Variants in CHRDL2 observed in about 807,000 individuals in gnomAD.
The protein encoded by CHRDL2 is chordin-like protein 2.
CHRDL2 carries 41 observed loss-of-function variants against 54.3 expected under a neutral mutation model. The ratio of observed to expected loss-of-function variants is 0.76; its 90% CI spans 0.59 to 0.98. The LOEUF (loss-of-function observed/expected upper bound fraction) is 0.98. Ranked by LOEUF, CHRDL2 falls within the 50% of genes least tolerant of loss-of-function variation. The probability of loss-of-function intolerance (pLI) is 0.00; values close to 1 mark genes in which losing one functional copy is unlikely to be tolerated. For synonymous variants in CHRDL2, 220 were observed against 224.3 expected (o/e 0.98, Z 0.17); for missense variants, 518 against 562.4 (o/e 0.92, Z 0.80).
At chr11:74,701,433 C>T (rs902302781) in intron 9 of CHRDL2, 77 of 541,744 alleles carry the variant, frequency 1.4e-4, no homozygotes, top group African/African-American at 9.8e-4. Flanking sequence ...TTCAGAGCCA[C>T]GAAGCCAGCA....
At chr11:74,703,106 C>T (rs775982346) in intron 8 of CHRDL2, 139 bp from the exon 9 acceptor site, 12 of 1,042,614 alleles carry the variant, frequency 1.2e-5, no homozygotes, top group Non-Finnish European at 8.3e-6. Flanking sequence ...AATCTATTAT[C>T]CTGACACCGC....
rs1002459032 is a variant in CHRDL2 at position 74,710,890 on chromosome 11, G to C, written c.391C>G (p.Pro131Ala). Reference protein sequence around the residue: ...GEIFSAHELFPSRLPNQCVLC... With the variant: ...GEIFSAHELFASRLPNQCVLC... ...ACACACTGGTTGGGCAGGCGGGAGG[G>C]GAACAGCTCATGGGCACTGAAGATC... Residue 131 changes from proline to alanine, a missense_variant, in exon 4 of 11, where the codon CCC becomes GCC. Transcript: ENST00000376332. 1 of 1,614,092 alleles carries C rather than the reference G, an allele frequency of 6.2e-7. No individual in the cohort carries two copies. Among genetic ancestry groups the C allele is most frequent in the South Asian group, 1.1e-5 (1 of 91,054 alleles).
chr11:74,731,394 G>C lies in CHRDL2; in HGVS notation c.-506C>G, dbSNP rs1197141330. Reference sequence around the variant, plus strand: ...GGCGGCGGCGCGGCGGCCGCGGAGGGAGGCTGAGCGCGGGCCGGCTGTGCT... The same window carrying C: ...GGCGGCGGCGCGGCGGCCGCGGAGGCAGGCTGAGCGCGGGCCGGCTGTGCT... On this transcript the variant is annotated 5_prime_UTR_variant, in exon 1 of 11. Transcript: ENST00000376332. The surrounding 1 kb of genome is among the most constrained non-coding windows in gnomAD (Gnocchi z 4.4). The C allele has an allele frequency of 1.3e-5, 2 of 150,432 alleles. No individual in the cohort carries two copies. Among genetic ancestry groups the C allele is most frequent in the Non-Finnish European group, 3.0e-5 (2 of 67,300 alleles). 9.3% of individuals were successfully genotyped at this position (150,432 alleles called of 1,614,324 possible). A position where few individuals can be genotyped will look rare whatever the true frequency, so the allele number is the denominator to read the frequency against.
At chr11:74,720,763 A>C (rs941159737) in intron 1 of CHRDL2, among the ~76,000 whole-genome samples, 1 of 152,200 alleles carries the variant, frequency 6.6e-6, no homozygotes, top group Non-Finnish European at 1.5e-5. Flanking sequence ...ATTCCCTCTC[A>C]GCACTGGGGG....
intron 5 of CHRDL2, 121 bp from the exon 6 acceptor site, chr11:74,706,663 C>T: frequency 1.2e-6 from 1 of 862,814 alleles, no homozygotes; most frequent in Admixed American, 2.1e-5. Context: ...TCTGCAGCCC[C>T]AGCCCACTAG....
intron 1 of CHRDL2, among the ~76,000 whole-genome samples, chr11:74,727,966 G>C (rs995315760): frequency 6.6e-6 from 1 of 152,136 alleles, no homozygotes; most frequent in African/African-American, 2.4e-5. Context: ...GCTGGGACCA[G>C]TACTGGTCAG....
chr11:74,722,788 A>C (rs1334542868), intron 1 of CHRDL2, among the ~76,000 whole-genome samples: 1 of 152,122 alleles, frequency 6.6e-6, no homozygotes, highest in African/African-American at 2.4e-5. Flanking sequence ...GTTTGCCTCA[A>C]CTCACCTCAG....
intron 10 of CHRDL2, 145 bp downstream of exon 10, chr11:74,697,060 C>T: frequency 3.2e-6 from 2 of 630,644 alleles, no homozygotes; most frequent in South Asian, 1.9e-5. Flanking sequence ...CGCAGACACC[C>T]GCTGGATTCC....
chr11:74,719,052 C>T (rs1490446878), intron 1 of CHRDL2: 5 of 542,032 alleles, frequency 9.2e-6, no homozygotes, highest in Non-Finnish European at 1.3e-5. Flanking sequence ...ACTGGGCATG[C>T]CACTGTCTCT....
intron 1 of CHRDL2, among the ~76,000 whole-genome samples, chr11:74,719,748 C>A (rs56306513): frequency 0.1 from 15,194 of 152,162 alleles, 814 homozygotes; most frequent in Non-Finnish European, 0.13. Flanking sequence ...TTACTAAAAT[C>A]GTTTGTTCCA....
chr11:74,723,889 A>C (rs1298519882), intron 1 of CHRDL2, among the ~76,000 whole-genome samples: 1 of 152,254 alleles, frequency 6.6e-6, no homozygotes, highest in Non-Finnish European at 1.5e-5. Context: ...AATCACAGGA[A>C]ACTGAGACCT....
At chr11:74,728,984 GCA>G (rs1198744104) in intron 1 of CHRDL2, among the ~76,000 whole-genome samples, 1 of 152,202 alleles carries the variant, frequency 6.6e-6, no homozygotes, top group African/African-American at 2.4e-5. Context: ...GGCCAGGGAG[GCA>G]CAGACGAGGG....
intron 2 of CHRDL2, among the ~76,000 whole-genome samples, chr11:74,713,740 T>C (rs2034268147): frequency 6.6e-6 from 1 of 152,208 alleles, no homozygotes; most frequent in South Asian, 2.1e-4. Flanking sequence ...CACTGTCCCC[T>C]TCCCAGAGAA....
In CHRDL2 at chr11:74,697,231, A is replaced by G; in HGVS notation, c.1187T>C (p.Phe396Ser). ...TTCGTGGGGGCCAGCGAGCAGTCGGAAGTGCTGTGCCTCTTTCTGGAAGTC... is the reference window on the plus strand; with the variant it reads ...TTCGTGGGGGCCAGCGAGCAGTCGGGAGTGCTGTGCCTCTTTCTGGAAGTC... ...KQDFQKEAQH[F>S]RLLAGPHEGH... is the part of the protein sequence containing the mutation. The change falls in exon 10 of 11, where the codon TTC becomes TCC. Residue 396 changes from phenylalanine (F) to serine (S), a missense_variant. Coordinates refer to ENST00000376332, the MANE Select transcript of CHRDL2 (RefSeq NM_001278473.3). 6.2e-7 allele frequency: 1 copy of G among 1,613,974 alleles called. No homozygotes were observed. The highest frequency in any genetic ancestry group is 8.5e-7 in the Non-Finnish European group (1 of 1,179,986).
At chr11:74,730,061 T>C (rs2034627901) in intron 1 of CHRDL2, among the ~76,000 whole-genome samples, 1 of 152,192 alleles carries the variant, frequency 6.6e-6, no homozygotes, top group African/African-American at 2.4e-5. Context: ...TTACTTCCGC[T>C]TTATAGATTA....
chr11:74,714,241 C>G (rs918099158), intron 2 of CHRDL2, among the ~76,000 whole-genome samples: 2 of 152,100 alleles, frequency 1.3e-5, no homozygotes, highest in African/African-American at 4.8e-5. Flanking sequence ...CCATTTACAC[C>G]TGTGTCACCG....
chr11:74,710,716 T>C (rs2034160214), intron 4 of CHRDL2, 133 bp downstream of exon 4: 2 of 1,211,004 alleles, frequency 1.7e-6, no homozygotes, highest in East Asian at 2.7e-5. Flanking sequence ...ACCCCAGATA[T>C]TCCCTTTCCC....
At chr11:74,720,708 A>G (rs1349140624) in intron 1 of CHRDL2, among the ~76,000 whole-genome samples, 1 of 152,228 alleles carries the variant, frequency 6.6e-6, no homozygotes, top group Non-Finnish European at 1.5e-5. Context: ...TGAAAGCAGT[A>G]ATGAGTTGGG....
intron 1 of CHRDL2, among the ~76,000 whole-genome samples, chr11:74,720,790 C>CCCCT (rs1204275867): frequency 1.3e-5 from 2 of 152,210 alleles, no homozygotes. Context: ...TGGCGTGCAG[C>CCCCT]CCCTGCCTGA....
Sources: gnomAD v4.1 joint callset for allele counts (sites outside exome capture counted in the v4.1 genomes callset) on GRCh38, gnomAD v4.1.1 for gene constraint, Gnocchi (gnomAD v3.1) non-coding constraint, MANE v1.5 for transcripts, NCBI Gene and HGNC (gene_info 2026-07-23, HGNC 2026-07-21) for gene names.